The following MAD2L2 variants were observed in gnomAD, a reference collection of about 807,000 sequenced individuals.
The protein encoded by MAD2L2 is mitotic arrest deficient 2 like 2.
In MAD2L2, 17 loss-of-function variants were observed where a neutral mutation model predicts 30.5. The ratio of observed to expected loss-of-function variants is 0.56; its 90% CI spans 0.38 to 0.84. MAD2L2 has a LOEUF of 0.84. MAD2L2 is among the 40% of genes least tolerant of loss of function. The probability of loss-of-function intolerance (pLI) is 0.00; values close to 1 mark genes in which losing one functional copy is unlikely to be tolerated. For synonymous variants in MAD2L2, 101 were observed against 113.9 expected (o/e 0.89, Z 0.72); for missense variants, 213 against 277.4 (o/e 0.77, Z 1.65).
At chr1:11,679,823 G>A (rs977924054) in intron 3 of MAD2L2, among the ~76,000 whole-genome samples, 2 of 151,500 alleles carry the variant, frequency 1.3e-5, no homozygotes, top group African/African-American at 4.8e-5. Flanking sequence ...CACCATGCCC[G>A]GCCACCCCCG....
At chr1:11,680,725 T>G in intron 1 of MAD2L2, 112 bp from the exon 2 acceptor site, 1 of 1,448,188 alleles carries the variant, frequency 6.9e-7, no homozygotes, top group Non-Finnish European at 9.1e-7. Flanking sequence ...GGGAAGGACC[T>G]CCCGCTTCGC....
At chr1:11,676,787 G>A (rs779049351) in intron 5 of MAD2L2, 61 bp downstream of exon 5, 1 of 1,310,524 alleles carries the variant, frequency 7.6e-7, no homozygotes, top group Non-Finnish European at 1.1e-6. Flanking sequence ...TTAAAGGGGT[G>A]GGTGTGTTGC....
At position 11,690,833 on chromosome 1, in the gene MAD2L2, G is replaced by A. The variant is rs996540711; in HGVS notation, c.-692+580C>T. Among the ~76,000 whole-genome samples, 12 of 152,174 alleles carry A rather than the reference G, an allele frequency of 7.9e-5. No individual in the cohort carries two copies. The highest frequency in any genetic ancestry group is 3.3e-4 in the Admixed American group (5 of 15,282). On this transcript the variant is annotated intron_variant, in intron 1 of 10. Coordinates refer to the MAD2L2 transcript ENST00000235310. This position sits in a 1 kb window ranked among gnomAD's most constrained non-coding sequence, Gnocchi z 4.2. ...CACGGCGCCCCGCGCGGTGATGGAT[G>A]AGCCGGCCCCAGCGCTGGCTTTGTC...
intron 3 of MAD2L2, among the ~76,000 whole-genome samples, chr1:11,680,008 T>G: frequency 1.6e-5 from 2 of 126,564 alleles, no homozygotes; most frequent in African/African-American, 6.1e-5. Context: ...TTTTTTTTTT[T>G]TTTTGAGACG....
At chr1:11,680,306 T>A (rs1407464378) in intron 3 of MAD2L2, 47 bp downstream of exon 3, 2 of 1,518,432 alleles carry the variant, frequency 1.3e-6, no homozygotes, top group Non-Finnish European at 1.8e-6. Flanking sequence ...AAAGAATTTT[T>A]AAAAGTCCAC....
upstream of MAD2L2, among the ~76,000 whole-genome samples, chr1:11,684,020 T>C (rs1364276796): frequency 1.8e-4 from 28 of 151,950 alleles, no homozygotes; most frequent in Admixed American, 1.8e-3. Flanking sequence ...TCAGATCCAA[T>C]CACAAACAGA....
rs113686282 is a variant in MAD2L2 at position 11,688,491 on chromosome 1, G to A, written c.-692+2922C>T. Among the ~76,000 whole-genome samples the A allele has an allele frequency of 0.014, 2,121 of 152,156 alleles. 46 individuals are homozygous for A. Among genetic ancestry groups the A allele is most frequent in the African/African-American group, 0.048 (2,001 of 41,490 alleles). On this transcript the variant is annotated intron_variant, in intron 1 of 10. Transcript: ENST00000235310. The surrounding 1 kb of genome is among the most constrained non-coding windows in gnomAD (Gnocchi z 4.6). ...CAGGCGAATCGCTTGAACTTGGGAG[G>A]CAGAGGTTGCAGTGAGCCAAGATCG...
At chr1:11,683,297 T>C (rs966802023), upstream of MAD2L2, among the ~76,000 whole-genome samples, 3 of 152,090 alleles carry the variant, frequency 2.0e-5, no homozygotes, top group Non-Finnish European at 1.5e-5. Flanking sequence ...GCTAAGAACG[T>C]CAGAAAAACC....
upstream of MAD2L2, among the ~76,000 whole-genome samples, chr1:11,682,593 C>T (rs918556368): frequency 6.6e-6 from 1 of 152,042 alleles, no homozygotes; most frequent in Admixed American, 6.6e-5. Context: ...ATCAGAATCC[C>T]CCAGGAGCCC....
chr1:11,677,724 T>A (rs1640795702), intron 3 of MAD2L2, 110 bp from the exon 4 acceptor site: 1 of 818,830 alleles, frequency 1.2e-6, no homozygotes, highest in African/African-American at 1.7e-5. Flanking sequence ...GCCCAGCAGC[T>A]CTCCAGGGCT....
chr1:11,683,896 G>A (rs1360884529), upstream of MAD2L2, among the ~76,000 whole-genome samples: 4 of 152,126 alleles, frequency 2.6e-5, no homozygotes, highest in East Asian at 1.9e-4. Flanking sequence ...ACTTGAACCC[G>A]GGAGGCGGAG....
At chr1:11,685,815 G>A (rs949083102), upstream of MAD2L2, among the ~76,000 whole-genome samples, 1 of 152,104 alleles carries the variant, frequency 6.6e-6, no homozygotes, top group Non-Finnish European at 1.5e-5. Context: ...AGCTGAGCAT[G>A]GTGGCGTGCA....
chr1:11,680,379 G>A lies in MAD2L2; in HGVS notation c.133C>T (p.Arg45Cys), dbSNP rs999467395. The A allele has an allele frequency of 1.4e-5, 22 of 1,613,930 alleles. No individual in the cohort carries two copies. Among genetic ancestry groups the A allele is most frequent in the Non-Finnish European group, 1.8e-5 (21 of 1,179,940 alleles). The change falls in exon 3 of 9, where the codon CGC becomes TGC. Residue 45 changes from arginine to cysteine, a missense_variant. Coordinates refer to ENST00000376692, the MANE Select transcript of MAD2L2 (RefSeq NM_006341.4). ...EVYPVGIFQK[R>C]KKYNVPVQMS... is the part of the protein sequence containing the mutation. ...TGGACCGGCACGTTGTACTTCTTGC[G>A]TTTCTGGAAGATGCCCACGGGGTAG...
At chr1:11,680,772 C>G in intron 1 of MAD2L2, 159 bp from the exon 2 acceptor site, 1 of 1,352,738 alleles carries the variant, frequency 7.4e-7, no homozygotes, top group South Asian at 1.9e-5. Context: ...TCCACCCCCA[C>G]GCTGGCGTCC....
intron 3 of MAD2L2, 32 bp downstream of exon 3, chr1:11,680,321 T>C (rs1369577869): frequency 6.4e-7 from 1 of 1,569,994 alleles, no homozygotes; most frequent in Non-Finnish European, 8.8e-7. Context: ...GTCCACCCTG[T>C]ACCCACTCTG....
chr1:11,689,710 T>C (rs11803826), intron 1 of MAD2L2, among the ~76,000 whole-genome samples: 38 of 152,370 alleles, frequency 2.5e-4, no homozygotes, highest in African/African-American at 8.9e-4. Context: ...GGTGCTGTGC[T>C]GTCTATGGAG....
At position 11,690,885 on chromosome 1, in the gene MAD2L2, A is replaced by G. The variant is rs911989787; in HGVS notation, c.-692+528T>C. Among the ~76,000 whole-genome samples, 11 of 152,020 alleles carry G rather than the reference A, an allele frequency of 7.2e-5. No homozygotes were observed. The highest frequency in any genetic ancestry group is 2.7e-4 in the African/African-American group (11 of 41,382). The stretch of plus-strand genomic sequence containing the variant: ...GGGTTGGGCCGGTCTGAGAAGCTTC[A>G]GGCCGGCTTTGGACGGGGCGTGGCG... On this transcript the variant is annotated intron_variant, in intron 1 of 10. Coordinates refer to the MAD2L2 transcript ENST00000235310. This position sits in a 1 kb window ranked among gnomAD's most constrained non-coding sequence, Gnocchi z 4.2.
chr1:11,680,162 A>AT (rs1470948769), intron 3 of MAD2L2, among the ~76,000 whole-genome samples, 191 bp downstream of exon 3: 1 of 151,434 alleles, frequency 6.6e-6, no homozygotes, highest in East Asian at 2.0e-4. Context: ...CGCCCGGCTA[A>AT]TTTTTGTATT....
rs149905758 is a variant in MAD2L2, at chr1:11,675,544, C to T, written c.501+114G>A. On this transcript the variant is annotated intron_variant, in intron 7 of 8. Transcript: ENST00000376692. ...GCCTGAGGACCTGCTGGGTGCCAGG[C>T]GCTGCCACACCAATGTAATGGGTGG... The T allele has an allele frequency of 3.7e-4, 385 of 1,027,876 alleles. No homozygotes were observed. The African/African-American group carries it at 4.6e-3, about 12-fold the overall frequency. 63.7% of individuals were successfully genotyped at this position (1,027,876 alleles called of 1,614,324 possible). A position where few individuals can be genotyped will look rare whatever the true frequency, so the allele number is the denominator to read the frequency against.
Sources: allele counts gnomAD v4.1 joint callset (sites outside exome capture counted in the v4.1 genomes callset), GRCh38; gene constraint gnomAD v4.1.1; non-coding constraint Gnocchi (gnomAD v3.1); transcripts MANE v1.5; gene names NCBI Gene and HGNC (gene_info 2026-07-23, HGNC 2026-07-21).